The following GRIN2D variants were observed in gnomAD, a reference collection of about 807,000 sequenced individuals.
GRIN2D encodes glutamate receptor ionotropic, NMDA 2D.
Under a neutral mutation model 103.2 loss-of-function variants are expected in GRIN2D, and 37 were observed. The ratio of observed to expected loss-of-function variants is 0.36; its 90% CI spans 0.28 to 0.47. The LOEUF is 0.47. GRIN2D is among the 20% of genes least tolerant of loss of function. GRIN2D has a pLI of 1.00. For missense variants in GRIN2D, 1,557 were observed against 1,910.6 expected, an observed-to-expected ratio of 0.81 and a Z score of 3.45; for synonymous variants, 845 against 885.6, an observed-to-expected ratio of 0.95 and a Z score of 0.81.
At position 48,414,710 on chromosome 19, in the gene GRIN2D, T is replaced by C. The variant is rs925052090; in HGVS notation, c.1412+126T>C. On this transcript the variant is annotated intron_variant, in intron 6 of 13. Transcript: ENST00000263269. This position sits in a 1 kb window ranked among gnomAD's most constrained non-coding sequence, Gnocchi z 4.6. ...CACAAAGCCCTCCAGCTTGGTGACC[T>C]TAGGCAAACCTCAGAATTCTTTGAG... 1.6e-6 allele frequency: 2 copies of C among 1,263,472 alleles called. No individual in the cohort carries two copies. The highest frequency in any genetic ancestry group is 2.2e-6 in the Non-Finnish European group (2 of 911,546). The allele number at this position is 1,263,472 out of a possible 1,614,324, so 78.3% of individuals were successfully genotyped here.
intron 11 of GRIN2D, among the ~76,000 whole-genome samples, chr19:48,422,959 A>C (rs1971041104): frequency 6.6e-6 from 1 of 152,012 alleles, no homozygotes. Context: ...GGGTGCGGCA[A>C]CAGGCTCTTG....
At chr19:48,423,538 C>A (rs998739185) in intron 11 of GRIN2D, among the ~76,000 whole-genome samples, 4 of 151,878 alleles carry the variant, frequency 2.6e-5, no homozygotes, top group African/African-American at 9.7e-5. Context: ...TGTGCAGAGC[C>A]CTGCAGGAGG....
At position 48,414,778 on chromosome 19, in the gene GRIN2D, G is replaced by A. The variant is rs993112484; in HGVS notation, c.1413-86G>A. On this transcript the variant is annotated intron_variant, in intron 6 of 13. Transcript: ENST00000263269. The surrounding 1 kb of genome is among the most constrained non-coding windows in gnomAD (Gnocchi z 4.6). ...AGCGCTAACCATAGTTTTAGCTGCC[G>A]CCTATCCCTTCCTCCATATCCTCTC... 2.8e-6 allele frequency: 4 copies of A among 1,447,722 alleles called. No homozygotes were observed. Among genetic ancestry groups the A allele is most frequent in the African/African-American group, 1.4e-5 (1 of 70,768 alleles). 89.7% of individuals were successfully genotyped at this position (1,447,722 alleles called of 1,614,324 possible). A position where few individuals can be genotyped will look rare whatever the true frequency, so the allele number is the denominator to read the frequency against.
intron 4 of GRIN2D, among the ~76,000 whole-genome samples, chr19:48,406,574 G>T (rs1348528961): frequency 6.6e-6 from 1 of 152,208 alleles, no homozygotes; most frequent in Non-Finnish European, 1.5e-5. Flanking sequence ...GATGAGAAAA[G>T]CATCCCTTCT....
At chr19:48,441,727 C>G in intron 11 of GRIN2D, 42 bp from the exon 12 acceptor site, 1 of 1,535,032 alleles carries the variant, frequency 6.5e-7, no homozygotes, top group Non-Finnish European at 8.9e-7. Context: ...GCCAGGGCAT[C>G]TAGGTGGGAC....
At chr19:48,434,085 A>G (rs1334467853) in intron 11 of GRIN2D, among the ~76,000 whole-genome samples, 2 of 151,104 alleles carry the variant, frequency 1.3e-5, no homozygotes, top group Non-Finnish European at 2.9e-5. Flanking sequence ...AGTAGCTGGG[A>G]CTACAGGCGC....
Position 48,442,886 on chromosome 19 carries a change from C to T in GRIN2D, c.2960C>T (p.Ala987Val), listed in dbSNP as rs1971318082. 2 of 1,093,592 alleles carry T rather than the reference C, an allele frequency of 1.8e-6. No individual in the cohort carries two copies. Among genetic ancestry groups the T allele is most frequent in the East Asian group, 6.1e-5 (1 of 16,516 alleles). The allele number at this position is 1,093,592 out of a possible 1,614,324, so 67.7% of individuals were successfully genotyped here. The stretch of plus-strand genomic sequence containing the variant: ...GAAGCGCGCGCGGCACCGCGGGGCG[C>T]AGCCGGGCGCCCGCTGTCCCCGCCG... ...LGEARAAPRGAAGRPLSPPAA... is the reference protein window; with the variant it reads ...LGEARAAPRGVAGRPLSPPAA... Residue 987 changes from alanine (A) to valine (V), a missense_variant, in exon 14 of 14, where the codon GCA becomes GTA. Physicochemically the swap from Ala to Val is moderately conservative, Grantham distance 64. This residue lies in a region of GRIN2D where 632 missense variants were observed against 572.8 expected (regional missense o/e 1.10). Transcript: ENST00000263269. The surrounding 1 kb of genome is among the most constrained non-coding windows in gnomAD (Gnocchi z 7.2).
At position 48,404,877 on chromosome 19, in the gene GRIN2D, C is replaced by T. The variant is rs1053329857; in HGVS notation, c.609C>T (p.Tyr203=). Residue 203 remains tyrosine (Y), a synonymous_variant, in exon 4 of 14, where the codon TAC becomes TAT. Coordinates refer to ENST00000263269, the MANE Select transcript of GRIN2D (RefSeq NM_000836.4). The part of the protein sequence containing the change: ...RAPGHRAFLS[Y]IEVLTDGSLV... ...CTGGCCACCGGGCCTTCCTGTCCTA[C>T]ATTGAGGTGCTGACTGACGGTAGTC... The T allele has an allele frequency of 6.2e-7, 1 of 1,614,198 alleles. No individual in the cohort carries two copies. The highest frequency in any genetic ancestry group is 8.5e-7 in the Non-Finnish European group (1 of 1,180,036).
In GRIN2D at chr19:48,421,847, G is replaced by A. The variant is rs752001097; in HGVS notation, c.2154G>A (p.Thr718=). 124 of 1,613,974 alleles carry A rather than the reference G, an allele frequency of 7.7e-5. No individual in the cohort carries two copies. The highest frequency in any genetic ancestry group is 1.6e-4 in the Middle Eastern group (1 of 6,084). The change falls in exon 11 of 14, where the codon ACG becomes ACA. Residue 718 remains threonine, a synonymous_variant. Coordinates refer to ENST00000263269, the MANE Select transcript of GRIN2D (RefSeq NM_000836.4). This position sits in a 1 kb window ranked among gnomAD's most constrained non-coding sequence, Gnocchi z 4.8. ...LKFGTVPNGS[T]EKNIRSNYPD... is the part of the protein sequence containing the mutation. ...TTGGGACCGTGCCCAACGGCTCCAC[G>A]GAGAAGAACATCCGCAGCAACTATC...
chr19:48,433,904 G>A (rs78655797), intron 11 of GRIN2D, among the ~76,000 whole-genome samples: 3,914 of 151,898 alleles, frequency 0.026, 74 homozygotes, highest in Non-Finnish European at 0.041. Flanking sequence ...GGCCATGGAA[G>A]GCCTCCCTTG....
intron 11 of GRIN2D, among the ~76,000 whole-genome samples, chr19:48,424,265 A>ATTTTTTTTT (rs569050730): frequency 9.9e-6 from 1 of 101,382 alleles, no homozygotes. Flanking sequence ...AAAAAAAAAA[A>ATTTTTTTTT]TTTTTTTTTT....
intron 11 of GRIN2D, among the ~76,000 whole-genome samples, chr19:48,426,220 C>CTTTTTTTTTTTTT (rs1253186603): frequency 3.5e-4 from 44 of 127,102 alleles, no homozygotes; most frequent in African/African-American, 1.3e-3. Flanking sequence ...TTCTTTCTTT[C>CTTTTTTTTTTTTT]TTTCTTTTTT....
At chr19:48,419,976 G>T (rs531523755) in intron 10 of GRIN2D, among the ~76,000 whole-genome samples, 162 bp downstream of exon 10, 44 of 152,024 alleles carry the variant, frequency 2.9e-4, no homozygotes, top group Middle Eastern at 3.4e-3. Context: ...CAGAATGGTA[G>T]AATGGAATGT....
intron 11 of GRIN2D, among the ~76,000 whole-genome samples, chr19:48,441,486 G>A (rs969261105): frequency 5.9e-5 from 9 of 152,172 alleles, no homozygotes; most frequent in Admixed American, 3.9e-4. Flanking sequence ...GCTGAGATAG[G>A]AGGATCGCTT....
rs909138325 is a variant in GRIN2D, at chr19:48,443,212, TGCCGC to T, written c.3297_3301del (p.Pro1101ValfsTer229). On this transcript the variant is annotated frameshift_variant, in exon 14 of 14. Coordinates refer to ENST00000263269, the MANE Select transcript of GRIN2D (RefSeq NM_000836.4). LOFTEE classifies it high-confidence loss of function. The surrounding 1 kb of genome is among the most constrained non-coding windows in gnomAD (Gnocchi z 8.9). ...AGGAGCCCCGGCCGCTCCGCCCCCG[TGCCGC>T]GCCGCGCCGCCCCCGTGCCCTTACC... 8 of 1,272,408 alleles carry T rather than the reference TGCCGC, an allele frequency of 6.3e-6. No individual in the cohort carries two copies. The highest frequency in any genetic ancestry group is 1.8e-5 in the South Asian group (1 of 54,174). The allele number at this position is 1,272,408 out of a possible 1,614,324, so 78.8% of individuals were successfully genotyped here.
In GRIN2D at chr19:48,401,265, G is replaced by GAA. The variant is rs375552992; in HGVS notation, c.465+2414_465+2415dup. Among the ~76,000 whole-genome samples, 463 of 150,410 alleles carry GAA rather than the reference G, an allele frequency of 3.1e-3. 2 individuals are homozygous for GAA. The highest frequency in any genetic ancestry group is 0.01 in the African/African-American group (425 of 40,932). ...GGGAATACAGTTCTAGAGGGGGGGG[G>GAA]AAAAAAAGAGAGGGAGACAAGGTCC... On this transcript the variant is annotated intron_variant, in intron 3 of 13. Coordinates refer to ENST00000263269, the MANE Select transcript of GRIN2D (RefSeq NM_000836.4).
chr19:48,419,449 C>G, intron 9 of GRIN2D, 90 bp downstream of exon 9: 1 of 1,488,646 alleles, frequency 6.7e-7, no homozygotes, highest in African/African-American at 1.4e-5. Flanking sequence ...GGAGGGGGGG[C>G]GGTCAAGCTA....
Position 48,413,971 on chromosome 19 carries a change from C to T in GRIN2D, c.1086-20C>T, listed in dbSNP as rs768632833. On this transcript the variant is annotated intron_variant, in intron 4 of 13. Transcript: ENST00000263269. Reference sequence around the variant, plus strand: ...TCCAGCCCAGGCCCCAGCATGTCCCCTTTCCCTCCTCCTGGGCAGGTACTT... The same window carrying T: ...TCCAGCCCAGGCCCCAGCATGTCCCTTTTCCCTCCTCCTGGGCAGGTACTT... 1 of 1,417,794 alleles carries T rather than the reference C, an allele frequency of 7.1e-7. No homozygotes were observed. Among genetic ancestry groups the T allele is most frequent in the South Asian group, 1.1e-5 (1 of 87,196 alleles). 87.8% of individuals were successfully genotyped at this position (1,417,794 alleles called of 1,614,324 possible).
At chr19:48,404,174 A>T (rs1333298834) in intron 3 of GRIN2D, among the ~76,000 whole-genome samples, 1 of 150,750 alleles carries the variant, frequency 6.6e-6, no homozygotes, top group Non-Finnish European at 1.5e-5. Flanking sequence ...CGGGAGGCGG[A>T]TGTTGCAGTG....
Sources: allele counts gnomAD v4.1 joint callset (sites outside exome capture counted in the v4.1 genomes callset), GRCh38; gene constraint gnomAD v4.1.1; regional missense constraint gnomAD v4.1.1; non-coding constraint Gnocchi (gnomAD v3.1); transcripts MANE v1.5; gene names NCBI Gene and HGNC (gene_info 2026-07-23, HGNC 2026-07-21).